CREB5: variants seen among roughly 807,000 people sequenced by gnomAD.
CREB5 encodes the protein cyclic AMP-responsive element-binding protein 5.
A neutral mutation model predicts 57.1 loss-of-function variants in CREB5; 19 were observed. That is an observed-to-expected ratio of 0.33 (90% CI 0.23 to 0.49). The LOEUF is 0.49. Among genes scored for constraint, CREB5 ranks in the 20% least tolerant of loss-of-function variants. The pLI is 0.99. For missense variants in CREB5, 579 were observed against 671.6 expected, an observed-to-expected ratio of 0.86 and a Z score of 1.52; for synonymous variants, 238 against 238.3, an observed-to-expected ratio of 1.00 and a Z score of 0.01.
rs1800507404 is a variant in CREB5 at position 28,679,953 on chromosome 7, G to A, written c.465-38800G>A. ...ATTCTCCATCTCCCCAAAGAGCCAG[G>A]CAGGCCCAGAGCTTCACCTGATATT... is the stretch of plus-strand genomic sequence containing the variant. On this transcript the variant is annotated intron_variant, in intron 5 of 10. Transcript: ENST00000357727. 2.0e-5 allele frequency among the ~76,000 whole-genome samples: 3 copies of A among 152,138 alleles called. No homozygotes were observed. The South Asian group carries it at 6.2e-4, about 31-fold the overall frequency.
intron 1 of CREB5, among the ~76,000 whole-genome samples, chr7:28,350,266 T>C (rs752262068): frequency 4.6e-5 from 7 of 152,228 alleles, no homozygotes; most frequent in Admixed American, 6.5e-5. Flanking sequence ...TTCCATCCCA[T>C]GCTATCTCTG....
At chr7:28,658,953 GTATATATATATATATA>G (rs72106956) in intron 5 of CREB5, among the ~76,000 whole-genome samples, 4 of 99,584 alleles carry the variant, frequency 4.0e-5, no homozygotes, top group African/African-American at 1.3e-4. Context: ...GTGTGTGTGT[GTATATATATATATATA>G]TATATATATA....
intron 7 of CREB5, among the ~76,000 whole-genome samples, chr7:28,739,058 A>G (rs1261413011): frequency 1.3e-5 from 2 of 152,226 alleles, no homozygotes; most frequent in Admixed American, 6.5e-5. Flanking sequence ...AAATATTATG[A>G]TAAAGTCAAG....
rs1809721979 is a variant in CREB5 at position 28,820,781 on chromosome 7, C to G, written c.*1502C>G. 6.6e-6 allele frequency: 1 copy of G among 152,010 alleles called. No individual in the cohort carries two copies. The highest frequency in any genetic ancestry group is 1.5e-5 in the Non-Finnish European group (1 of 67,982). The allele number at this position is 152,010 out of a possible 1,614,324, so 9.4% of individuals were successfully genotyped here. A position where few individuals can be genotyped will look rare whatever the true frequency, so the allele number is the denominator to read the frequency against. On this transcript the variant is annotated 3_prime_UTR_variant, in exon 11 of 11. Transcript: ENST00000357727. ...ACCATGCCTGGCTAATTTATTTTTA[C>G]TTTTATTTTAAAATAAAAGATGAGG...
intron 1 of CREB5, among the ~76,000 whole-genome samples, chr7:28,323,204 C>T (rs757497964): frequency 1.3e-5 from 2 of 152,216 alleles, no homozygotes; most frequent in Admixed American, 6.5e-5. Flanking sequence ...AAACCCACAA[C>T]TACCTACTAT....
At chr7:28,368,584 G>T (rs1301658546) in intron 1 of CREB5, among the ~76,000 whole-genome samples, 1 of 152,112 alleles carries the variant, frequency 6.6e-6, no homozygotes, top group East Asian at 1.9e-4. Flanking sequence ...TCAGGGCCTT[G>T]TTCTTGCTGT....
chr7:28,642,257 A>G (rs1798688278), intron 5 of CREB5, among the ~76,000 whole-genome samples: 2 of 152,176 alleles, frequency 1.3e-5, no homozygotes, highest in African/African-American at 4.8e-5. Flanking sequence ...CCAGGGAAAA[A>G]CTATTTTATT....
chr7:28,602,195 C>T (rs529413127), intron 5 of CREB5, among the ~76,000 whole-genome samples: 12 of 152,210 alleles, frequency 7.9e-5, no homozygotes, highest in South Asian at 2.1e-4. Flanking sequence ...GGTGCGATCT[C>T]GGCTCACTGC....
chr7:28,432,819 AAAG>A (rs1327503610), intron 1 of CREB5, among the ~76,000 whole-genome samples: 3 of 152,226 alleles, frequency 2.0e-5, no homozygotes, highest in Admixed American at 1.3e-4. Flanking sequence ...AGAAAATAAA[AAAG>A]AAGAAGAAAA....
chr7:28,357,396 C>T (rs557186023), intron 1 of CREB5, among the ~76,000 whole-genome samples: 23 of 152,226 alleles, frequency 1.5e-4, no homozygotes, highest in African/African-American at 5.5e-4. Context: ...GTTGGACCTG[C>T]CCATATAACT....
At chr7:28,541,923 C>G (rs1341389065) in intron 4 of CREB5, among the ~76,000 whole-genome samples, 1 of 152,176 alleles carries the variant, frequency 6.6e-6, no homozygotes, top group Non-Finnish European at 1.5e-5. Flanking sequence ...TGACCATTCT[C>G]TCTTGTTTCT....
chr7:28,600,643 A>C (rs1286224254), intron 5 of CREB5, among the ~76,000 whole-genome samples: 2 of 152,168 alleles, frequency 1.3e-5, no homozygotes, highest in Admixed American at 6.6e-5. Context: ...AGTGAGGCAA[A>C]AGCAACATTT....
At chr7:28,697,978 T>TATAA (rs1801660495) in intron 5 of CREB5, among the ~76,000 whole-genome samples, 1 of 152,158 alleles carries the variant, frequency 6.6e-6, no homozygotes, top group African/African-American at 2.4e-5. Flanking sequence ...TTTTCAGACT[T>TATAA]ATAAAAAGAG....
At chr7:28,636,801 G>A (rs1048737835) in intron 5 of CREB5, among the ~76,000 whole-genome samples, 9 of 152,068 alleles carry the variant, frequency 5.9e-5, no homozygotes, top group African/African-American at 2.2e-4. Flanking sequence ...CCTTTCTGTG[G>A]TTTTCTAAAT....
chr7:28,597,068 T>C (rs1034552212), intron 5 of CREB5, among the ~76,000 whole-genome samples: 1 of 152,200 alleles, frequency 6.6e-6, no homozygotes, highest in African/African-American at 2.4e-5. Context: ...GTTAAACCTT[T>C]CTGAGGCAAA....
At chr7:28,609,867 A>G (rs1340531386) in intron 5 of CREB5, among the ~76,000 whole-genome samples, 2 of 152,342 alleles carry the variant, frequency 1.3e-5, no homozygotes, top group East Asian at 3.9e-4. Context: ...CAGAAGAGGA[A>G]GGAGAAAAGG....
chr7:28,637,622 G>C (rs187760428), intron 5 of CREB5, among the ~76,000 whole-genome samples: 42 of 152,266 alleles, frequency 2.8e-4, no homozygotes, highest in Admixed American at 5.9e-4. Flanking sequence ...ATCAGAAAGA[G>C]CTGTTTGTGT....
At chr7:28,744,035 A>G (rs1804552478) in intron 7 of CREB5, among the ~76,000 whole-genome samples, 1 of 93,956 alleles carries the variant, frequency 1.1e-5, no homozygotes, top group Non-Finnish European at 2.0e-5. Context: ...AGAGTGTGAT[A>G]TTCCCCTTCC....
chr7:28,777,755 T>G (rs1485407330), intron 7 of CREB5, among the ~76,000 whole-genome samples: 9 of 152,174 alleles, frequency 5.9e-5, no homozygotes, highest in African/African-American at 2.2e-4. Context: ...GCTCAGTGAA[T>G]TTTTAAAATT....
Sources: allele counts gnomAD v4.1 joint callset (sites outside exome capture counted in the v4.1 genomes callset), GRCh38; gene constraint gnomAD v4.1.1; transcripts MANE v1.5; gene names NCBI Gene and HGNC (gene_info 2026-07-23, HGNC 2026-07-21).